Variants in KCNH5 observed in about 807,000 individuals in gnomAD.
The protein encoded by KCNH5 is potassium voltage-gated channel subfamily H member 5.
KCNH5 carries 46 observed loss-of-function variants against 96.1 expected under a neutral mutation model. That is an observed-to-expected ratio of 0.48 (90% CI 0.38 to 0.61). The LOEUF (loss-of-function observed/expected upper bound fraction) is 0.61. Ranked by LOEUF, KCNH5 falls within the 20% of genes least tolerant of loss-of-function variation. The pLI is 0.00. For synonymous variants in KCNH5, 439 were observed against 449.8 expected, an observed-to-expected ratio of 0.98 and a Z score of 0.30; for missense variants, 907 against 1,225.8, an observed-to-expected ratio of 0.74 and a Z score of 3.88.
At chr14:62,870,370 T>A (rs1048722988) in intron 7 of KCNH5, among the ~76,000 whole-genome samples, 2 of 152,200 alleles carry the variant, frequency 1.3e-5, no homozygotes, top group African/African-American at 4.8e-5. Flanking sequence ...ATGTCATGAC[T>A]TCTTCATCTG....
Position 62,771,481 on chromosome 14 carries a change from C to T in KCNH5, c.2019+8247G>A, listed in dbSNP as rs529515495. ...CTCTATTACAAAACAAAAAATTAGC[C>T]GGGCATGGTGGCAGGCGCCTGTAGT... On this transcript the variant is annotated intron_variant, in intron 10 of 10. Coordinates refer to ENST00000322893, the MANE Select transcript of KCNH5 (RefSeq NM_139318.5). Among the ~76,000 whole-genome samples the T allele has an allele frequency of 5.3e-5, 8 of 152,050 alleles. No individual in the cohort carries two copies. The South Asian group carries it at 6.2e-4, about 12-fold the overall frequency.
chr14:62,804,727 T>C (rs1566665958), intron 8 of KCNH5, among the ~76,000 whole-genome samples: 3 of 152,130 alleles, frequency 2.0e-5, no homozygotes, highest in Admixed American at 1.3e-4. Flanking sequence ...ATCTGTGAAA[T>C]GGGGATAATG....
At chr14:63,001,488 C>A (rs1397001118) in intron 3 of KCNH5, 29 bp from the exon 4 acceptor site, 1 of 1,594,004 alleles carries the variant, frequency 6.3e-7, no homozygotes, top group Non-Finnish European at 8.5e-7. Flanking sequence ...GGGGAAAGGA[C>A]ATTAGAGTGT....
intron 7 of KCNH5, among the ~76,000 whole-genome samples, chr14:62,899,812 C>A (rs983449299): frequency 2.2e-5 from 3 of 138,634 alleles, no homozygotes; most frequent in African/African-American, 5.6e-5. Context: ...CCAGCCTGGG[C>A]GACAGAGCGA....
At chr14:62,779,986 G>A (rs1886176403) in intron 9 of KCNH5, 62 bp from the exon 10 acceptor site, 5 of 1,385,846 alleles carry the variant, frequency 3.6e-6, no homozygotes, top group Non-Finnish European at 4.9e-6. Flanking sequence ...AATCACTCTT[G>A]TTATTCAGTT....
chr14:62,756,040 G>GAA (rs1055194152), intron 10 of KCNH5, among the ~76,000 whole-genome samples: 1 of 141,740 alleles, frequency 7.1e-6, no homozygotes, highest in African/African-American at 2.6e-5. Flanking sequence ...TTCCTCTAAG[G>GAA]AAAAAAAAAA....
chr14:62,937,225 T>C (rs1372743909), intron 7 of KCNH5, among the ~76,000 whole-genome samples: 1 of 152,048 alleles, frequency 6.6e-6, no homozygotes, highest in Non-Finnish European at 1.5e-5. Flanking sequence ...AACCCTCATG[T>C]TTTGCTGGTC....
In KCNH5 at chr14:62,849,739, A is replaced by G; in HGVS notation, c.1483T>C (p.Tyr495His). Reference sequence around the variant, plus strand: ...TCACTAAGGCCTTTTGGGACCTGATAGAGTTTTAGGAAGTCCCGTACATTA... The same window carrying G: ...TCACTAAGGCCTTTTGGGACCTGATGGAGTTTTAGGAAGTCCCGTACATTA... The part of the protein sequence containing the change: ...LNNVRDFLKL[Y>H]QVPKGLSERV... Residue 495 changes from tyrosine to histidine, a missense_variant, in exon 8 of 11, where the codon TAT becomes CAT. Transcript: ENST00000322893. The G allele has an allele frequency of 1.9e-6, 3 of 1,613,930 alleles. No homozygotes were observed. The highest frequency in any genetic ancestry group is 2.5e-6 in the Non-Finnish European group (3 of 1,179,846).
intron 8 of KCNH5, among the ~76,000 whole-genome samples, chr14:62,826,230 A>C (rs1887220954): frequency 1.3e-5 from 2 of 152,014 alleles, no homozygotes; most frequent in Admixed American, 6.6e-5. Flanking sequence ...CAGCTATGTT[A>C]TTTGTCACAT....
chr14:62,732,963 C>T (rs1250493175), intron 10 of KCNH5, among the ~76,000 whole-genome samples: 2 of 151,722 alleles, frequency 1.3e-5, no homozygotes, highest in Non-Finnish European at 2.9e-5. Flanking sequence ...TTCTTGTCCC[C>T]CTCCTTCTCT....
intron 4 of KCNH5, among the ~76,000 whole-genome samples, chr14:62,994,664 G>A (rs905711048): frequency 4.0e-5 from 6 of 151,864 alleles, no homozygotes; most frequent in Non-Finnish European, 7.4e-5. Flanking sequence ...TTTTTGTGGG[G>A]AAAAAAGAAA....
intron 1 of KCNH5, among the ~76,000 whole-genome samples, chr14:63,024,016 T>C (rs1413637460): frequency 6.6e-6 from 1 of 152,080 alleles, no homozygotes; most frequent in African/African-American, 2.4e-5. Context: ...AAGACCAGCC[T>C]GCCCAATATG....
chr14:62,842,520 G>A (rs2140038455), intron 8 of KCNH5, among the ~76,000 whole-genome samples: 1 of 152,286 alleles, frequency 6.6e-6, no homozygotes, highest in African/African-American at 2.4e-5. Flanking sequence ...AAAAATTATA[G>A]TTTTCATATA....
At chr14:62,718,397 T>C (rs373842381) in intron 10 of KCNH5, among the ~76,000 whole-genome samples, 1 of 152,084 alleles carries the variant, frequency 6.6e-6, no homozygotes, top group East Asian at 1.9e-4. Context: ...TTTAAAATCA[T>C]CAAAAAATTT....
chr14:62,775,380 T>TA (rs1313398709), intron 10 of KCNH5, among the ~76,000 whole-genome samples: 1 of 152,146 alleles, frequency 6.6e-6, no homozygotes, highest in Non-Finnish European at 1.5e-5. Flanking sequence ...CACAGAATTT[T>TA]AAAAACAAAT....
chr14:62,951,154 G>A (rs1031520455), intron 6 of KCNH5, among the ~76,000 whole-genome samples: 1 of 152,138 alleles, frequency 6.6e-6, no homozygotes, highest in African/African-American at 2.4e-5. Context: ...CTCTGAAAAC[G>A]TGAACAGAGC....
intron 10 of KCNH5, among the ~76,000 whole-genome samples, chr14:62,714,764 G>T (rs548355873): frequency 6.6e-6 from 1 of 152,220 alleles, no homozygotes; most frequent in South Asian, 2.1e-4. Flanking sequence ...AAAGAAATCA[G>T]CTTTTAAAAA....
chr14:62,958,346 G>T (rs1890145051), intron 6 of KCNH5, among the ~76,000 whole-genome samples: 1 of 152,146 alleles, frequency 6.6e-6, no homozygotes, highest in African/African-American at 2.4e-5. Context: ...TATCCATGGA[G>T]GTGAGCCTTC....
At chr14:62,801,499 A>ATTTTTTT (rs35409070) in intron 9 of KCNH5, among the ~76,000 whole-genome samples, 5 of 108,852 alleles carry the variant, frequency 4.6e-5, no homozygotes, top group Non-Finnish European at 7.4e-5. Flanking sequence ...TCATTTGGCA[A>ATTTTTTT]TTTTTTTTTT....
Sources: allele counts gnomAD v4.1 joint callset (sites outside exome capture counted in the v4.1 genomes callset), GRCh38; gene constraint gnomAD v4.1.1; transcripts MANE v1.5; gene names NCBI Gene and HGNC (gene_info 2026-07-23, HGNC 2026-07-21).